Variants in WDR59 observed in about 807,000 individuals in gnomAD.
WDR59 encodes the protein WD repeat domain 59.
Under a neutral mutation model 131.2 loss-of-function variants are expected in WDR59, and 100 were observed. That is an observed-to-expected ratio of 0.76 (90% CI 0.65 to 0.90). The LOEUF is 0.90. WDR59 is among the 40% of genes least tolerant of loss of function. WDR59 has a pLI of 0.00. For missense variants in WDR59, 1,203 were observed against 1,262.2 expected, an observed-to-expected ratio of 0.95 and a Z score of 0.71; for synonymous variants, 601 against 466.2, an observed-to-expected ratio of 1.29 and a Z score of -3.72.
intron 6 of WDR59, among the ~76,000 whole-genome samples, chr16:74,948,097 T>A (rs1444839688): frequency 6.6e-6 from 1 of 151,976 alleles, no homozygotes; most frequent in African/African-American, 2.4e-5. Context: ...ACAAGGGGGA[T>A]GAAGGTGGAG....
intron 18 of WDR59, among the ~76,000 whole-genome samples, chr16:74,903,736 C>G (rs1832068323): frequency 6.6e-6 from 1 of 152,028 alleles, no homozygotes; most frequent in African/African-American, 2.4e-5. Context: ...GATTACGGAC[C>G]ATAAGAACGG....
chr16:74,889,191 G>C (rs1339931823), intron 21 of WDR59, among the ~76,000 whole-genome samples: 1 of 152,184 alleles, frequency 6.6e-6, no homozygotes, highest in African/African-American at 2.4e-5. Context: ...GATTCAAGTG[G>C]TTTTACTTGG....
chr16:74,913,487 C>T (rs1459285592), intron 13 of WDR59, among the ~76,000 whole-genome samples: 4 of 151,984 alleles, frequency 2.6e-5, no homozygotes. Flanking sequence ...GATGGGGTTT[C>T]GCCATGTTGG....
intron 7 of WDR59, among the ~76,000 whole-genome samples, chr16:74,941,224 CCA>C (rs2145092913): frequency 6.6e-6 from 1 of 150,966 alleles, no homozygotes; most frequent in Non-Finnish European, 1.5e-5. Flanking sequence ...ACCTGTAGTC[CCA>C]GTTACTCAGG....
rs370866931 is a variant in WDR59 at position 74,886,302 on chromosome 16, C to T, written c.2514G>A (p.Glu838=). ...FGSLTYSDPR[E]RERDQHDKNK... The stretch of plus-strand genomic sequence containing the variant: ...TTTTATCATGCTGGTCGCGTTCTCG[C>T]TCACGGGGATCACTGTAGGTCAGAC... Residue 838 remains glutamate (E), a synonymous_variant, in exon 24 of 26, where the codon GAG becomes GAA. Coordinates refer to ENST00000262144, the MANE Select transcript of WDR59 (RefSeq NM_030581.4). The T allele has an allele frequency of 6.2e-7, 1 of 1,613,836 alleles. No individual in the cohort carries two copies. Among genetic ancestry groups the T allele is most frequent in the Non-Finnish European group, 8.5e-7 (1 of 1,179,884 alleles).
chr16:74,876,852 A>C (rs951296987), intron 25 of WDR59, among the ~76,000 whole-genome samples: 11 of 152,194 alleles, frequency 7.2e-5, no homozygotes, highest in African/African-American at 2.4e-4. Context: ...AGGGCATACA[A>C]AGGGATGTGG....
At chr16:74,910,904 C>T (rs1203109556) in intron 14 of WDR59, among the ~76,000 whole-genome samples, 1 of 152,172 alleles carries the variant, frequency 6.6e-6, no homozygotes, top group African/African-American at 2.4e-5. Flanking sequence ...GTCTCTGTTG[C>T]CCAGACTGGA....
chr16:74,886,197 G>A (rs1296336480), intron 24 of WDR59, 73 bp downstream of exon 24: 1 of 1,042,470 alleles, frequency 9.6e-7, no homozygotes, highest in Non-Finnish European at 1.4e-6. Context: ...AAAAGTAAGA[G>A]TTGTGATTGT....
intron 20 of WDR59, among the ~76,000 whole-genome samples, chr16:74,890,549 C>T (rs1356434311): frequency 6.6e-6 from 1 of 152,142 alleles, no homozygotes; most frequent in Non-Finnish European, 1.5e-5. Context: ...TCCCTCTTTT[C>T]CTAAATAATG....
At chr16:74,906,547 A>T (rs1361049580) in intron 17 of WDR59, among the ~76,000 whole-genome samples, 2 of 152,084 alleles carry the variant, frequency 1.3e-5, no homozygotes, top group Admixed American at 1.3e-4. Context: ...TGCAGAAATT[A>T]ATATACAAGT....
chr16:74,973,980 G>C (rs934590051), intron 1 of WDR59, among the ~76,000 whole-genome samples: 2 of 152,102 alleles, frequency 1.3e-5, no homozygotes, highest in East Asian at 3.9e-4. Flanking sequence ...GACCAGCCTG[G>C]CCAACATGGT....
At chr16:74,927,525 T>A (rs1025621031) in intron 8 of WDR59, among the ~76,000 whole-genome samples, 1 of 146,262 alleles carries the variant, frequency 6.8e-6, no homozygotes, top group South Asian at 2.2e-4. Context: ...GAGGTGGAGG[T>A]TGCAGTGAGC....
chr16:74,907,560 A>G (rs911178928), intron 17 of WDR59, among the ~76,000 whole-genome samples: 1 of 152,088 alleles, frequency 6.6e-6, no homozygotes, highest in African/African-American at 2.4e-5. Flanking sequence ...GAGTCAACTA[A>G]CCTCTTTTCT....
chr16:74,947,526 G>C, intron 6 of WDR59, among the ~76,000 whole-genome samples: 1 of 152,070 alleles, frequency 6.6e-6, no homozygotes, highest in East Asian at 1.9e-4. Context: ...AAAAAGATGA[G>C]AAATATATCA....
intron 13 of WDR59, among the ~76,000 whole-genome samples, chr16:74,912,834 G>A (rs1488419693): frequency 1.3e-5 from 2 of 152,226 alleles, no homozygotes; most frequent in African/African-American, 4.8e-5. Flanking sequence ...AAAGGGATGG[G>A]CTGTGGCTAG....
chr16:74,912,466 G>T (rs939572326), intron 13 of WDR59, 104 bp from the exon 14 acceptor site: 1 of 1,220,328 alleles, frequency 8.2e-7, no homozygotes, highest in Non-Finnish European at 1.1e-6. Context: ...ATTGAATGAA[G>T]GGAAAGAGTC....
At chr16:74,896,372 G>C (rs1567697261) in intron 18 of WDR59, among the ~76,000 whole-genome samples, 1 of 152,192 alleles carries the variant, frequency 6.6e-6, no homozygotes, top group Non-Finnish European at 1.5e-5. Flanking sequence ...GCTCACACCT[G>C]TAATCCCACT....
chr16:74,904,732 T>C (rs1965716695), intron 17 of WDR59, among the ~76,000 whole-genome samples: 1 of 152,144 alleles, frequency 6.6e-6, no homozygotes, highest in South Asian at 2.1e-4. Context: ...AATAATATAA[T>C]TGGAGGACTT....
chr16:74,949,867 C>T (rs908819761), intron 4 of WDR59, 69 bp from the exon 5 acceptor site: 4 of 1,387,902 alleles, frequency 2.9e-6, no homozygotes, highest in African/African-American at 2.8e-5. Flanking sequence ...AAAGCACTAG[C>T]ACATCGAGTC....
Sources: gnomAD v4.1 joint callset for allele counts (sites outside exome capture counted in the v4.1 genomes callset) on GRCh38, gnomAD v4.1.1 for gene constraint, MANE v1.5 for transcripts, NCBI Gene and HGNC (gene_info 2026-07-23, HGNC 2026-07-21) for gene names.